Variants in NFU1 observed in about 807,000 individuals in gnomAD.
NFU1 encodes NFU1 iron-sulfur cluster scaffold homolog, mitochondrial.
NFU1 carries 30 observed loss-of-function variants against 32.2 expected under a neutral mutation model. The observed-to-expected ratio is 0.93, with a 90% CI of 0.70 to 1.26. The LOEUF is 1.26. Among genes scored for constraint, NFU1 ranks in the 50% most tolerant of loss-of-function variants. The pLI is 0.00. For synonymous variants in NFU1, 112 were observed against 104.6 expected (o/e 1.07, Z -0.43); for missense variants, 306 against 306.6 (o/e 1.00, Z 0.02).
intron 1 of NFU1, 176 bp downstream of exon 1, chr2:69,437,185 C>G (rs1301795197): frequency 2.9e-6 from 4 of 1,385,612 alleles, no homozygotes; most frequent in Non-Finnish European, 3.8e-6. Flanking sequence ...ACAGAAGCGC[C>G]GAGCTCCCGC....
At chr2:69,414,271 GAT>G (rs1422187975) in intron 5 of NFU1, among the ~76,000 whole-genome samples, 1 of 151,984 alleles carries the variant, frequency 6.6e-6, no homozygotes, top group East Asian at 1.9e-4. Flanking sequence ...TTTTGAAATG[GAT>G]ATGTTTCAAA....
intron 3 of NFU1, among the ~76,000 whole-genome samples, chr2:69,420,905 T>C (rs1036646491): frequency 2.0e-4 from 31 of 152,162 alleles, no homozygotes; most frequent in Admixed American, 1.4e-3. Flanking sequence ...TGTAAAACAC[T>C]TTTTACTGTG....
chr2:69,416,830 G>T (rs558012113), intron 4 of NFU1, among the ~76,000 whole-genome samples: 1 of 152,104 alleles, frequency 6.6e-6, no homozygotes, highest in Admixed American at 6.6e-5. Flanking sequence ...CCCGGGAGGC[G>T]GAGGTTGCAG....
intron 5 of NFU1, among the ~76,000 whole-genome samples, chr2:69,408,769 T>TACAC (rs1553398704): frequency 1.5e-5 from 2 of 133,646 alleles, no homozygotes; most frequent in Non-Finnish European, 3.2e-5. Context: ...TATATATATA[T>TACAC]ACACACACAC....
chr2:69,439,287 C>T (rs1673980766), upstream of NFU1, among the ~76,000 whole-genome samples: 2 of 152,176 alleles, frequency 1.3e-5, no homozygotes, highest in South Asian at 4.1e-4. Context: ...GTCTCGCTAA[C>T]TTCAAGAATG....
intron 3 of NFU1, among the ~76,000 whole-genome samples, chr2:69,421,245 T>C (rs1398417374): frequency 6.6e-6 from 1 of 151,738 alleles, no homozygotes; most frequent in African/African-American, 2.4e-5. Context: ...AAATAAAATA[T>C]GAAAAACAAA....
chr2:69,439,439 G>C (rs1158690299), upstream of NFU1, among the ~76,000 whole-genome samples: 2 of 152,218 alleles, frequency 1.3e-5, no homozygotes, highest in African/African-American at 2.4e-5. Context: ...TGAAGCTGCA[G>C]ACCTTTGCGA....
At chr2:69,423,219 G>A (rs1210401032) in intron 3 of NFU1, among the ~76,000 whole-genome samples, 3 of 119,528 alleles carry the variant, frequency 2.5e-5, no homozygotes, top group South Asian at 3.0e-4. Context: ...GGGGGGGGGC[G>A]GGTAGAGATG....
chr2:69,408,360 T>C (rs1251447599), intron 5 of NFU1, among the ~76,000 whole-genome samples: 1 of 152,226 alleles, frequency 6.6e-6, no homozygotes, highest in African/African-American at 2.4e-5. Flanking sequence ...GTTTCTTCAT[T>C]ATTTCAGTTG....
chr2:69,396,176 T>G lies in NFU1; in HGVS notation c.*70A>C, dbSNP rs995736338. ...ATTAATCTTCAAGTTCCTCAGCATA[T>G]TAATAATAAAAACTTGATATATATT... On this transcript the variant is annotated 3_prime_UTR_variant, in exon 8 of 8. Coordinates refer to ENST00000410022, the MANE Select transcript of NFU1 (RefSeq NM_001002755.4). The G allele has an allele frequency of 2.5e-6, 3 of 1,197,520 alleles. No individual in the cohort carries two copies. The highest frequency in any genetic ancestry group is 3.7e-6 in the Non-Finnish European group (3 of 813,102). The allele number at this position is 1,197,520 out of a possible 1,614,324, so 74.2% of individuals were successfully genotyped here. A position where few individuals can be genotyped will look rare whatever the true frequency, so the allele number is the denominator to read the frequency against.
intron 5 of NFU1, among the ~76,000 whole-genome samples, chr2:69,407,674 C>CAAAA (rs200321994): frequency 1.5e-4 from 15 of 103,104 alleles, no homozygotes; most frequent in Non-Finnish European, 2.5e-4. Flanking sequence ...GACTCTATCT[C>CAAAA]AAAAAAAAAA....
At chr2:69,429,248 C>T (rs887955366) in intron 2 of NFU1, among the ~76,000 whole-genome samples, 1 of 152,182 alleles carries the variant, frequency 6.6e-6, no homozygotes, top group Non-Finnish European at 1.5e-5. Context: ...GCACACAGTA[C>T]TCTACCAATA....
At chr2:69,427,475 T>C (rs1028851764) in intron 2 of NFU1, among the ~76,000 whole-genome samples, 2 of 147,878 alleles carry the variant, frequency 1.4e-5, no homozygotes, top group Non-Finnish European at 3.0e-5. Context: ...AGGTCAGGAG[T>C]TTGAAACCAG....
At chr2:69,436,103 T>C (rs1376560062) in intron 1 of NFU1, among the ~76,000 whole-genome samples, 1 of 152,178 alleles carries the variant, frequency 6.6e-6, no homozygotes, top group African/African-American at 2.4e-5. Flanking sequence ...TTTGTTAATA[T>C]ATTTTTCTTG....
At chr2:69,436,077 C>T (rs909389046) in intron 1 of NFU1, among the ~76,000 whole-genome samples, 1 of 152,172 alleles carries the variant, frequency 6.6e-6, no homozygotes, top group Admixed American at 6.5e-5. Context: ...TATTACAGCA[C>T]TCATGACTGT....
rs1427664911 is a variant in NFU1 at position 69,424,219 on chromosome 2, A to ATATATATATC, written c.167-503_167-502insGATATATATA. Among the ~76,000 whole-genome samples, 4 of 126,882 alleles carry ATATATATATC rather than the reference A, an allele frequency of 3.2e-5. No individual in the cohort carries two copies. In the East Asian group the frequency reaches 6.7e-4, roughly 21 times the overall value. 83.2% of individuals were successfully genotyped at this position (126,882 alleles called of 152,430 possible). On this transcript the variant is annotated intron_variant, in intron 2 of 7. Coordinates refer to ENST00000410022, the MANE Select transcript of NFU1 (RefSeq NM_001002755.4). Reference sequence around the variant, plus strand: ...AAAAAATATATATATATATATATATATCTCAATATATTTAAGTGCATATAG... The same window carrying ATATATATATC: ...AAAAAATATATATATATATATATATATATATATATCTCTCAATATATTTAAGTGCATATAG...
At chr2:69,424,638 G>C (rs1428315516) in intron 2 of NFU1, among the ~76,000 whole-genome samples, 1 of 151,978 alleles carries the variant, frequency 6.6e-6, no homozygotes, top group Non-Finnish European at 1.5e-5. Context: ...TCCAGAAATA[G>C]TAAACACTTA....
intron 7 of NFU1, chr2:69,399,302 C>T (rs1672435911): frequency 2.3e-6 from 1 of 428,768 alleles, no homozygotes; most frequent in African/African-American, 2.1e-5. Context: ...GATAATCTCT[C>T]TCCATAAGGC....
intron 7 of NFU1, among the ~76,000 whole-genome samples, chr2:69,399,615 CAA>C (rs555943713): frequency 3.1e-4 from 16 of 52,294 alleles, no homozygotes; most frequent in African/African-American, 2.9e-4. Flanking sequence ...CCCGTCTCTA[CAA>C]AAAAAAAAAA....
Sources: allele counts gnomAD v4.1 joint callset (sites outside exome capture counted in the v4.1 genomes callset), GRCh38; gene constraint gnomAD v4.1.1; transcripts MANE v1.5; gene names NCBI Gene and HGNC (gene_info 2026-07-23, HGNC 2026-07-21).